KLHDC1: variants seen among roughly 807,000 people sequenced by gnomAD.
KLHDC1 encodes kelch domain containing 1.
A neutral mutation model predicts 68.3 loss-of-function variants in KLHDC1; 53 were observed. The ratio of observed to expected loss-of-function variants is 0.78; its 90% CI spans 0.62 to 0.98. The LOEUF is 0.98. Among genes scored for constraint, KLHDC1 ranks in the 50% least tolerant of loss-of-function variants. The pLI, the probability that KLHDC1 is intolerant of heterozygous loss-of-function variation, is 0.00. For missense variants in KLHDC1, 470 were observed against 492.3 expected (o/e 0.95, Z 0.43); for synonymous variants, 148 against 159.0 (o/e 0.93, Z 0.52).
chr14:49,706,223 G>C (rs1888046338), intron 1 of KLHDC1, among the ~76,000 whole-genome samples: 1 of 152,050 alleles, frequency 6.6e-6, no homozygotes, highest in Non-Finnish European at 1.5e-5. Flanking sequence ...TCTCATGTAA[G>C]AACATGTGAT....
intron 6 of KLHDC1, among the ~76,000 whole-genome samples, chr14:49,727,032 CTCAGAAGT>C (rs761045910): frequency 2.7e-4 from 41 of 151,720 alleles, no homozygotes; most frequent in Non-Finnish European, 4.9e-4. Flanking sequence ...ATTGCCTGAG[CTCAGAAGT>C]TCGAGACCAA....
At chr14:49,731,311 C>T (rs1888802747) in intron 8 of KLHDC1, among the ~76,000 whole-genome samples, 1 of 152,052 alleles carries the variant, frequency 6.6e-6, no homozygotes, top group Non-Finnish European at 1.5e-5. Context: ...ATAAACAACA[C>T]AAACAGTAAA....
intron 6 of KLHDC1, among the ~76,000 whole-genome samples, chr14:49,726,991 T>C (rs1888686802): frequency 6.6e-6 from 1 of 152,204 alleles, no homozygotes; most frequent in Non-Finnish European, 1.5e-5. Flanking sequence ...ATGCCTGTAA[T>C]CCTAGCACTT....
At chr14:49,749,772 T>G (rs1271329507) in intron 12 of KLHDC1, among the ~76,000 whole-genome samples, 1 of 152,010 alleles carries the variant, frequency 6.6e-6, no homozygotes, top group Non-Finnish European at 1.5e-5. Flanking sequence ...CTATAAAAAT[T>G]AGGCATCAGG....
intron 1 of KLHDC1, among the ~76,000 whole-genome samples, chr14:49,698,885 G>T (rs1313609549): frequency 6.6e-6 from 1 of 151,840 alleles, no homozygotes; most frequent in African/African-American, 2.4e-5. Flanking sequence ...CATACTTCTT[G>T]ACGAGCGTGG....
At chr14:49,699,161 C>CAA (rs34856234) in intron 1 of KLHDC1, among the ~76,000 whole-genome samples, 291 of 107,730 alleles carry the variant, frequency 2.7e-3, no homozygotes, top group Admixed American at 5.2e-3. Context: ...AAGACTGTCT[C>CAA]AAAAAAAAAA....
chr14:49,706,281 GT>G (rs1319807850), intron 1 of KLHDC1, among the ~76,000 whole-genome samples: 1 of 152,122 alleles, frequency 6.6e-6, no homozygotes, highest in Non-Finnish European at 1.5e-5. Context: ...ATGACCTCTA[GT>G]TCCATCCATG....
In KLHDC1 at chr14:49,709,827, G is replaced by T; in HGVS notation, c.285+1G>T. 1 of 1,491,772 alleles carries T rather than the reference G, an allele frequency of 6.7e-7. No individual in the cohort carries two copies. Among genetic ancestry groups the T allele is most frequent in the Middle Eastern group, 1.7e-4 (1 of 5,756 alleles). The allele number at this position is 1,491,772 out of a possible 1,614,324, so 92.4% of individuals were successfully genotyped here. ...TGATGACAAAGGATACAGCAATCGA[G>T]TAATAATTTCTTTAATTCAAGAGTG... is the stretch of plus-strand genomic sequence containing the variant. On this transcript the variant is annotated splice_donor_variant, in intron 3 of 12. Coordinates refer to ENST00000359332, the MANE Select transcript of KLHDC1 (RefSeq NM_172193.3). LOFTEE classifies it high-confidence loss of function.
At chr14:49,719,916 C>T (rs759785569) in intron 4 of KLHDC1, among the ~76,000 whole-genome samples, 1 of 152,012 alleles carries the variant, frequency 6.6e-6, no homozygotes, top group African/African-American at 2.4e-5. Flanking sequence ...CCTCAAACTC[C>T]TGGGCTCAAG....
At chr14:49,751,005 G>A (rs1447333872) in intron 12 of KLHDC1, 1 of 152,318 alleles carries the variant, frequency 6.6e-6, no homozygotes, top group Admixed American at 6.5e-5. Context: ...ATCTTGAGGT[G>A]ACAGAAGCAA....
intron 7 of KLHDC1, among the ~76,000 whole-genome samples, 157 bp downstream of exon 7, chr14:49,729,166 T>G (rs977241717): frequency 1.3e-5 from 2 of 152,216 alleles, no homozygotes; most frequent in African/African-American, 2.4e-5. Flanking sequence ...AAACAGACCA[T>G]ACATGAACAA....
In KLHDC1 at chr14:49,751,669, T is replaced by C; in HGVS notation, c.1118T>C (p.Val373Ala). 1 of 1,606,326 alleles carries C rather than the reference T, an allele frequency of 6.2e-7. No individual in the cohort carries two copies. The highest frequency in any genetic ancestry group is 8.5e-7 in the Non-Finnish European group (1 of 1,174,698). ...TTACCTCCTAAACTTCTGCAACAAG[T>C]ACTCAAAAAAATAACATTTTGGGCT... is the stretch of plus-strand genomic sequence containing the variant. ...SLLPPKLLQQ[V>A]LKKITFWAAA... Residue 373 changes from valine to alanine, a missense_variant, in exon 13 of 13, where the codon GTA becomes GCA. Val to Ala is a moderately conservative substitution (Grantham distance 64). Transcript: ENST00000359332.
chr14:49,736,429 CGAT>C (rs1379124343), intron 10 of KLHDC1, among the ~76,000 whole-genome samples: 16 of 152,090 alleles, frequency 1.1e-4, no homozygotes, highest in African/African-American at 3.9e-4. Flanking sequence ...CAGTGTTCTT[CGAT>C]GATGAAATGG....
At chr14:49,720,675 C>T (rs1172997496) in intron 4 of KLHDC1, among the ~76,000 whole-genome samples, 6 of 152,064 alleles carry the variant, frequency 3.9e-5, no homozygotes, top group African/African-American at 7.2e-5. Context: ...TTTGTCTCCC[C>T]TTCTGTGACT....
chr14:49,700,936 A>T (rs1344248666), intron 1 of KLHDC1, among the ~76,000 whole-genome samples: 1 of 152,160 alleles, frequency 6.6e-6, no homozygotes. Flanking sequence ...CAAAAACATT[A>T]GCCAGGCGTG....
At chr14:49,748,508 G>C (rs1160772624) in intron 12 of KLHDC1, among the ~76,000 whole-genome samples, 1 of 152,116 alleles carries the variant, frequency 6.6e-6, no homozygotes, top group East Asian at 1.9e-4. Flanking sequence ...TGATGCAGAA[G>C]ATGAAAAAGT....
intron 1 of KLHDC1, 72 bp downstream of exon 1, chr14:49,693,362 C>A: frequency 9.0e-7 from 1 of 1,107,798 alleles, no homozygotes; most frequent in Non-Finnish European, 1.2e-6. Context: ...CAGCGCCCGC[C>A]ACACCCGCTC....
intron 8 of KLHDC1, among the ~76,000 whole-genome samples, chr14:49,731,852 T>C (rs530792211): frequency 6.6e-6 from 1 of 152,258 alleles, no homozygotes; most frequent in Non-Finnish European, 1.5e-5. Flanking sequence ...GCATTGTTTT[T>C]ATTTTTATTT....
intron 12 of KLHDC1, among the ~76,000 whole-genome samples, chr14:49,749,115 A>G (rs1889265312): frequency 6.6e-6 from 1 of 152,132 alleles, no homozygotes; most frequent in African/African-American, 2.4e-5. Context: ...GATTTTATAT[A>G]TAAATCATTT....
Sources: allele counts gnomAD v4.1 joint callset (sites outside exome capture counted in the v4.1 genomes callset), GRCh38; gene constraint gnomAD v4.1.1; transcripts MANE v1.5; gene names NCBI Gene and HGNC (gene_info 2026-07-23, HGNC 2026-07-21).